Variants in JAK1 observed in about 807,000 individuals in gnomAD.
JAK1 encodes Janus kinase 1.
Under a neutral mutation model 136.6 loss-of-function variants are expected in JAK1, and 16 were observed. That is an observed-to-expected ratio of 0.12 (90% CI 0.08 to 0.18). JAK1 has a LOEUF of 0.18. Ranked by LOEUF, JAK1 falls within the 10% of genes least tolerant of loss-of-function variation. The pLI, the probability that JAK1 is intolerant of heterozygous loss-of-function variation, is 1.00. For missense variants in JAK1, 859 were observed against 1,450.1 expected (o/e 0.59, Z 6.62); for synonymous variants, 492 against 519.5 (o/e 0.95, Z 0.72).
intron 2 of JAK1, among the ~76,000 whole-genome samples, chr1:65,030,456 T>C (rs1647012717): frequency 6.6e-6 from 1 of 152,040 alleles, no homozygotes; most frequent in Non-Finnish European, 1.5e-5. Flanking sequence ...AATTTGAAAA[T>C]CATCAGTGAA....
chr1:65,057,724 G>A (rs1438296908), intron 1 of JAK1: 1 of 154,786 alleles, frequency 6.5e-6, no homozygotes, highest in Non-Finnish European at 1.5e-5. Context: ...GGTGTTTACA[G>A]CTTCGTATTC....
intron 6 of JAK1, among the ~76,000 whole-genome samples, chr1:64,868,656 C>T (rs544536269): frequency 9.9e-5 from 15 of 152,218 alleles, no homozygotes; most frequent in African/African-American, 3.4e-4. Context: ...ACGCACGCCG[C>T]CTATCACAAA....
At chr1:64,878,960 C>T (rs1644725446) in intron 4 of JAK1, 65 bp downstream of exon 4, 6 of 1,535,678 alleles carry the variant, frequency 3.9e-6, no homozygotes, top group Admixed American at 1.9e-5. Context: ...CTCAGGGCTC[C>T]AGGCTGACCA....
At chr1:64,836,824 C>T (rs1654511558) in intron 22 of JAK1, among the ~76,000 whole-genome samples, 1 of 152,090 alleles carries the variant, frequency 6.6e-6, no homozygotes, top group African/African-American at 2.4e-5. Flanking sequence ...CTCCCTGGCT[C>T]CAGACTCCCT....
At chr1:64,949,676 A>C (rs965453375) in intron 1 of JAK1, among the ~76,000 whole-genome samples, 2 of 152,226 alleles carry the variant, frequency 1.3e-5, no homozygotes, top group Non-Finnish European at 2.9e-5. Context: ...CAGTCAGGAA[A>C]TCAGCAGCTT....
At chr1:64,968,265 G>A (rs949708646), upstream of JAK1, among the ~76,000 whole-genome samples, 4 of 152,042 alleles carry the variant, frequency 2.6e-5, no homozygotes, top group East Asian at 7.7e-4. Flanking sequence ...GTCTATAACA[G>A]ACATTGTGCT....
chr1:64,961,029 T>C (rs1646274456), intron 1 of JAK1, among the ~76,000 whole-genome samples: 1 of 152,200 alleles, frequency 6.6e-6, no homozygotes, highest in Non-Finnish European at 1.5e-5. Context: ...AAACTCCTTA[T>C]TCACTTCTAA....
chr1:64,849,165 T>C (rs1339525014), intron 12 of JAK1, among the ~76,000 whole-genome samples: 1 of 152,180 alleles, frequency 6.6e-6, no homozygotes, highest in Non-Finnish European at 1.5e-5. Context: ...GCCTAGCTAC[T>C]TGAGTTCATC....
chr1:65,064,138 CAA>C (rs935375543), intron 1 of JAK1, among the ~76,000 whole-genome samples: 1 of 152,160 alleles, frequency 6.6e-6, no homozygotes, highest in Admixed American at 6.5e-5. Context: ...GTTTGGATTT[CAA>C]AACACTTAGT....
chr1:65,055,521 G>C (rs1436261764), intron 1 of JAK1, among the ~76,000 whole-genome samples: 1 of 152,182 alleles, frequency 6.6e-6, no homozygotes, highest in African/African-American at 2.4e-5. Context: ...TCCAGAAGTG[G>C]AAATGCTGGA....
At chr1:65,026,143 C>G (rs1038047628) in intron 2 of JAK1, among the ~76,000 whole-genome samples, 2 of 152,158 alleles carry the variant, frequency 1.3e-5, no homozygotes, top group Non-Finnish European at 2.9e-5. Flanking sequence ...CCATGTGATC[C>G]CACCCCAACG....
In JAK1 at chr1:64,865,074, G is replaced by A. The variant is rs889403506; in HGVS notation, c.991-102C>T. On this transcript the variant is annotated intron_variant, in intron 7 of 24. Transcript: ENST00000342505. ...AAACCTATGCAGGGCCTAGGTCCAA[G>A]GAAGAGAAAGCCAGCTCTTCTGGAC... 10 of 870,282 alleles carry A rather than the reference G, an allele frequency of 1.1e-5. 1 individual carries two copies. In the African/African-American group the frequency reaches 1.7e-4, roughly 15 times the overall value. The allele number at this position is 870,282 out of a possible 1,614,324, so 53.9% of individuals were successfully genotyped here.
At chr1:65,066,759 TC>T in intron 1 of JAK1, 1 of 153,454 alleles carries the variant, frequency 6.5e-6, no homozygotes, top group Non-Finnish European at 1.4e-5. Context: ...CTCCTCCTCC[TC>T]CGGCACCGCC....
chr1:65,035,840 G>A (rs1303630523), intron 2 of JAK1, among the ~76,000 whole-genome samples: 4 of 152,086 alleles, frequency 2.6e-5, no homozygotes, highest in East Asian at 1.9e-4. Flanking sequence ...AGGCCGAGGC[G>A]GGCGGATCAT....
At position 64,855,627 on chromosome 1, in the gene JAK1, G is replaced by A. The variant is rs371518131; in HGVS notation, c.1530C>T (p.His510=). 1.8e-5 allele frequency: 29 copies of A among 1,613,998 alleles called. No homozygotes were observed. The highest frequency in any genetic ancestry group is 9.3e-5 in the African/African-American group (7 of 74,894). Residue 510 remains histidine (H), a synonymous_variant, in exon 11 of 25, where the codon CAC becomes CAT. Transcript: ENST00000342505. The part of the protein sequence containing the change: ...IEVQKGRYSL[H]GSDRSFPSLG... ...AGCTGGGGAAGCTGCGGTCCGAACC[G>A]TGCAGACTGTAGCGGCCCTTCTGCA...
chr1:64,847,758 A>G, intron 12 of JAK1, 83 bp from the exon 13 acceptor site: 4 of 1,480,826 alleles, frequency 2.7e-6, no homozygotes, highest in Non-Finnish European at 3.7e-6. Flanking sequence ...CAATGGGAAC[A>G]TGGACTATCA....
chr1:64,879,246 T>C, intron 3 of JAK1, 98 bp from the exon 4 acceptor site: 2 of 1,415,128 alleles, frequency 1.4e-6, no homozygotes, highest in Non-Finnish European at 1.9e-6. Context: ...AACTCTCTCA[T>C]CCACAAAGAA....
At chr1:64,928,786 A>AAAACAAAAC (rs1645630509) in intron 1 of JAK1, among the ~76,000 whole-genome samples, 2 of 117,912 alleles carry the variant, frequency 1.7e-5, no homozygotes, top group African/African-American at 7.4e-5. Context: ...TGCAAAAAAA[A>AAAACAAAAC]AAAAAAAAAA....
chr1:64,843,154 C>A (rs1323245070), intron 17 of JAK1, among the ~76,000 whole-genome samples: 1 of 152,104 alleles, frequency 6.6e-6, no homozygotes, highest in Non-Finnish European at 1.5e-5. Context: ...AAAATCTGAA[C>A]CCAAATGGCC....
Sources: allele counts gnomAD v4.1 joint callset (sites outside exome capture counted in the v4.1 genomes callset), GRCh38; gene constraint gnomAD v4.1.1; transcripts MANE v1.5; gene names NCBI Gene and HGNC (gene_info 2026-07-23, HGNC 2026-07-21).